The following DENND1B variants were observed in gnomAD, a reference collection of about 807,000 sequenced individuals.
DENND1B encodes the protein DENN domain-containing protein 1B.
A neutral mutation model predicts 90.1 loss-of-function variants in DENND1B; 59 were observed. The observed-to-expected ratio is 0.65, with a 90% CI of 0.53 to 0.81. The LOEUF (loss-of-function observed/expected upper bound fraction) is 0.81. DENND1B is among the 40% of genes least tolerant of loss of function. The pLI is 0.00. For synonymous variants in DENND1B, 337 were observed against 324.6 expected (o/e 1.04, Z -0.41); for missense variants, 862 against 912.6 (o/e 0.94, Z 0.71).
intron 17 of DENND1B, 146 bp downstream of exon 17, chr1:197,546,586 TA>T: frequency 1.3e-6 from 1 of 742,566 alleles, no homozygotes; most frequent in Non-Finnish European, 2.0e-6. Context: ...ACTATAAACG[TA>T]AAATAAGAAT....
At chr1:197,567,850 A>C (rs1399198001) in intron 15 of DENND1B, among the ~76,000 whole-genome samples, 1 of 152,164 alleles carries the variant, frequency 6.6e-6, no homozygotes, top group Admixed American at 6.6e-5. Flanking sequence ...CACAGCTAAT[A>C]TAATAGTCAA....
chr1:197,685,817 G>A (rs1657177413), intron 3 of DENND1B: 1 of 151,856 alleles, frequency 6.6e-6, no homozygotes, highest in Non-Finnish European at 1.5e-5. Flanking sequence ...AGAAATATTG[G>A]GAGCTAATAT....
intron 20 of DENND1B, among the ~76,000 whole-genome samples, chr1:197,534,715 ATAGG>A (rs1477229058): frequency 3.3e-5 from 5 of 152,324 alleles, no homozygotes; most frequent in African/African-American, 9.6e-5. Flanking sequence ...ATTTTTGGAA[ATAGG>A]TAGAATATAA....
At position 197,772,871 on chromosome 1, in the gene DENND1B, CA is replaced by C; in HGVS notation, c.78del (p.Asn26LysfsTer48). 3 of 1,551,396 alleles carry C rather than the reference CA, an allele frequency of 1.9e-6. No individual in the cohort carries two copies. The highest frequency in any genetic ancestry group is 2.4e-5 in the South Asian group (2 of 83,988). On this transcript the variant is annotated frameshift_variant, in exon 2 of 23. Transcript: ENST00000620048. LOFTEE classifies it high-confidence loss of function. ...VLKVKCHASENEDPVVLWKFP... is the reference protein window; with the variant it reads ...VLKVKCHASEXEDPVVLWKFP... ...ACAGAACACAGAAGACACATACCTT[CA>C]TTTTCAGAGGCATGACATTTCACTT...
intron 10 of DENND1B, among the ~76,000 whole-genome samples, chr1:197,634,822 T>G (rs1423485619): frequency 6.6e-6 from 1 of 152,112 alleles, no homozygotes; most frequent in African/African-American, 2.4e-5. Flanking sequence ...AACTCCCGTC[T>G]CTACAAAAAA....
chr1:197,578,316 C>G (rs1470631843), intron 15 of DENND1B, among the ~76,000 whole-genome samples: 1 of 152,060 alleles, frequency 6.6e-6, no homozygotes, highest in Non-Finnish European at 1.5e-5. Flanking sequence ...ACAATCTCAG[C>G]TCACTGCAAC....
rs192699639 is a variant in DENND1B at position 197,588,833 on chromosome 1, G to T, written c.1048-5580C>A. ...GAAACAGTAATTTTCTTCCATTGTTGGCACTTTAGCTAGAAGTCAATGAAA... is the reference window on the plus strand; with the variant it reads ...GAAACAGTAATTTTCTTCCATTGTTTGCACTTTAGCTAGAAGTCAATGAAA... On this transcript the variant is annotated intron_variant, in intron 14 of 22. Coordinates refer to ENST00000620048, the MANE Select transcript of DENND1B (RefSeq NM_001195215.2). 8.1e-4 allele frequency among the ~76,000 whole-genome samples: 123 copies of T among 152,046 alleles called. 1 individual carries two copies. Among genetic ancestry groups the T allele is most frequent in the African/African-American group, 2.8e-3 (115 of 41,484 alleles).
chr1:197,697,682 A>T (rs1658579139), intron 3 of DENND1B, among the ~76,000 whole-genome samples: 1 of 151,938 alleles, frequency 6.6e-6, no homozygotes, highest in Non-Finnish European at 1.5e-5. Context: ...CCCATCTCAC[A>T]TGCAAAGATA....
intron 2 of DENND1B, among the ~76,000 whole-genome samples, chr1:197,727,749 C>A (rs75252485): frequency 0.015 from 2,351 of 152,096 alleles, 71 homozygotes; most frequent in African/African-American, 0.053. Context: ...CTTAGATCAG[C>A]GGTAAGAAGG....
intron 14 of DENND1B, among the ~76,000 whole-genome samples, 159 bp from the exon 15 acceptor site, chr1:197,583,412 T>C (rs937769944): frequency 6.6e-6 from 1 of 152,196 alleles, no homozygotes; most frequent in Non-Finnish European, 1.5e-5. Flanking sequence ...GAAATATTCC[T>C]CTACTAATAA....
chr1:197,605,540 G>C (rs1676597387), intron 13 of DENND1B: 1 of 150,906 alleles, frequency 6.6e-6, no homozygotes, highest in African/African-American at 2.4e-5. Context: ...ACGGTAGGAA[G>C]TACATGCATA....
chr1:197,638,480 C>T (rs973880217), intron 10 of DENND1B, among the ~76,000 whole-genome samples: 30 of 152,046 alleles, frequency 2.0e-4, no homozygotes, highest in African/African-American at 6.3e-4. Flanking sequence ...GCTGGCCAGC[C>T]GGGTGTTTGA....
chr1:197,576,978 T>C (rs868209998), intron 15 of DENND1B, among the ~76,000 whole-genome samples: 15 of 152,134 alleles, frequency 9.9e-5, no homozygotes, highest in Non-Finnish European at 5.9e-5. Context: ...CCTATATTCA[T>C]GGAGAGCCCG....
At chr1:197,515,760 CTAA>C (rs1668351859) in intron 20 of DENND1B, among the ~76,000 whole-genome samples, 1 of 151,742 alleles carries the variant, frequency 6.6e-6, no homozygotes, top group Admixed American at 6.6e-5. Flanking sequence ...CTAAACAGCT[CTAA>C]GTCTAATGGA....
chr1:197,662,299 A>T (rs1654483781), intron 5 of DENND1B, among the ~76,000 whole-genome samples: 1 of 152,092 alleles, frequency 6.6e-6, no homozygotes, highest in Non-Finnish European at 1.5e-5. Context: ...TGTTAAAACA[A>T]TTGGAAGTGC....
At chr1:197,583,529 T>C (rs1032828298) in intron 14 of DENND1B, among the ~76,000 whole-genome samples, 8 of 152,174 alleles carry the variant, frequency 5.3e-5, no homozygotes, top group Admixed American at 2.6e-4. Flanking sequence ...TTTGACATCA[T>C]CAGATTGAAT....
intron 2 of DENND1B, among the ~76,000 whole-genome samples, chr1:197,751,808 C>T (rs1293127092): frequency 6.7e-6 from 1 of 149,618 alleles, no homozygotes; most frequent in African/African-American, 2.5e-5. Flanking sequence ...CGTGCCACTA[C>T]ACTCCAGCCT....
rs182235322 is a variant in DENND1B at position 197,715,908 on chromosome 1, G to A, written c.83-834C>T. Among the ~76,000 whole-genome samples, 12 of 151,256 alleles carry A rather than the reference G, an allele frequency of 7.9e-5. No individual in the cohort carries two copies. In the South Asian group the frequency reaches 1.3e-3, roughly 16 times the overall value. ...GAATACTTCAAATGTGTTTTAAAGGGATAGTGTATAATGGATTATTTCTTC... is the reference window on the plus strand; with the variant it reads ...GAATACTTCAAATGTGTTTTAAAGGAATAGTGTATAATGGATTATTTCTTC... On this transcript the variant is annotated intron_variant, in intron 2 of 22. Coordinates refer to ENST00000620048, the MANE Select transcript of DENND1B (RefSeq NM_001195215.2).
At chr1:197,633,122 T>G (rs148073871) in intron 10 of DENND1B, among the ~76,000 whole-genome samples, 2 of 152,340 alleles carry the variant, frequency 1.3e-5, no homozygotes, top group African/African-American at 4.8e-5. Context: ...AAGGAAGCCA[T>G]ACATACCAAT....
Sources: allele counts gnomAD v4.1 joint callset (sites outside exome capture counted in the v4.1 genomes callset), GRCh38; gene constraint gnomAD v4.1.1; transcripts MANE v1.5; gene names NCBI Gene and HGNC (gene_info 2026-07-23, HGNC 2026-07-21).